BAIAP2L1: variants seen among roughly 807,000 people sequenced by gnomAD.
BAIAP2L1 encodes the protein BAR/IMD domain-containing adapter protein 2-like 1.
A neutral mutation model predicts 66.3 loss-of-function variants in BAIAP2L1; 35 were observed. That is an observed-to-expected ratio of 0.53 (90% CI 0.40 to 0.70). The LOEUF is 0.70. Ranked by LOEUF, BAIAP2L1 falls within the 30% of genes least tolerant of loss-of-function variation. The pLI is 0.00. For missense variants in BAIAP2L1, 622 were observed against 656.9 expected, an observed-to-expected ratio of 0.95 and a Z score of 0.58; for synonymous variants, 269 against 248.7, an observed-to-expected ratio of 1.08 and a Z score of -0.77.
chr7:98,332,385 A>T (rs1324329404), intron 3 of BAIAP2L1, among the ~76,000 whole-genome samples: 1 of 46,642 alleles, frequency 2.1e-5, no homozygotes, highest in South Asian at 4.5e-4. Flanking sequence ...TCCATCTCAA[A>T]AAAAAAAAAA....
At chr7:98,320,572 G>C (rs1562972319) in intron 3 of BAIAP2L1, among the ~76,000 whole-genome samples, 1 of 152,148 alleles carries the variant, frequency 6.6e-6, no homozygotes, top group East Asian at 1.9e-4. Flanking sequence ...CTAACCTCAG[G>C]TGATCAACTG....
chr7:98,301,071 C>A (rs781673428), intron 12 of BAIAP2L1, among the ~76,000 whole-genome samples: 5 of 152,134 alleles, frequency 3.3e-5, no homozygotes, highest in African/African-American at 1.2e-4. Flanking sequence ...CAGTAGAGGC[C>A]GGCTGGATGA....
At chr7:98,387,728 G>A (rs1213347514) in intron 1 of BAIAP2L1, among the ~76,000 whole-genome samples, 6 of 151,734 alleles carry the variant, frequency 4.0e-5, no homozygotes, top group African/African-American at 1.2e-4. Flanking sequence ...TTAGCTGGGC[G>A]TGGTGGTGCA....
chr7:98,350,118 A>G (rs1003957151), intron 3 of BAIAP2L1, among the ~76,000 whole-genome samples: 5 of 148,900 alleles, frequency 3.4e-5, no homozygotes, highest in African/African-American at 7.6e-5. Flanking sequence ...AAAGGGGGGA[A>G]AAAAAAAAAG....
At chr7:98,361,347 ACT>A (rs1389425987) in intron 2 of BAIAP2L1, among the ~76,000 whole-genome samples, 2 of 150,580 alleles carry the variant, frequency 1.3e-5, no homozygotes, top group African/African-American at 4.9e-5. Flanking sequence ...ACAGAGCAAG[ACT>A]CTGTCTGGGA....
At chr7:98,326,882 A>C (rs1347115056) in intron 3 of BAIAP2L1, among the ~76,000 whole-genome samples, 5 of 152,220 alleles carry the variant, frequency 3.3e-5, no homozygotes, top group African/African-American at 4.8e-5. Flanking sequence ...CAAAAAAAAA[A>C]ATTAACTACA....
In BAIAP2L1 at chr7:98,292,693, C is replaced by T; in HGVS notation, c.*828G>A. 1 of 1,551,638 alleles carries T rather than the reference C, an allele frequency of 6.4e-7. No individual in the cohort carries two copies. Among genetic ancestry groups the T allele is most frequent in the Non-Finnish European group, 8.7e-7 (1 of 1,146,978 alleles). On this transcript the variant is annotated 3_prime_UTR_variant, in exon 14 of 14. Coordinates refer to ENST00000005260, the MANE Select transcript of BAIAP2L1 (RefSeq NM_018842.5). ...ATCCTTTGAGAGTCTGTACCTGATT[C>T]AAACACGGAGAAACCAGGACCCCGA...
intron 1 of BAIAP2L1, among the ~76,000 whole-genome samples, chr7:98,382,561 A>C (rs1159850497): frequency 2.0e-5 from 3 of 152,198 alleles, no homozygotes; most frequent in African/African-American, 7.2e-5. Context: ...TTTGCCTATG[A>C]ATGGAATGGT....
chr7:98,303,669 AG>A (rs897968874), intron 12 of BAIAP2L1, among the ~76,000 whole-genome samples: 1 of 152,204 alleles, frequency 6.6e-6, no homozygotes, highest in Non-Finnish European at 1.5e-5. Context: ...CCGGGAGCCC[AG>A]GACCTCCATG....
intron 3 of BAIAP2L1, among the ~76,000 whole-genome samples, chr7:98,354,390 A>G (rs2115690298): frequency 6.6e-6 from 1 of 152,306 alleles, no homozygotes; most frequent in South Asian, 2.1e-4. Flanking sequence ...CCTCCGGTTA[A>G]GCCAGAAATT....
At chr7:98,394,644 G>A (rs1803157634) in intron 1 of BAIAP2L1, among the ~76,000 whole-genome samples, 1 of 152,162 alleles carries the variant, frequency 6.6e-6, no homozygotes, top group African/African-American at 2.4e-5. Context: ...AATGGCAACT[G>A]GTGCGTCACT....
intron 9 of BAIAP2L1, 40 bp from the exon 10 acceptor site, chr7:98,307,936 T>C (rs1436524824): frequency 1.3e-6 from 2 of 1,590,480 alleles, no homozygotes; most frequent in South Asian, 1.1e-5. Flanking sequence ...TTTCAAAGCA[T>C]GAGAATCAAT....
At chr7:98,388,014 G>C (rs1053028910) in intron 1 of BAIAP2L1, among the ~76,000 whole-genome samples, 2 of 151,694 alleles carry the variant, frequency 1.3e-5, no homozygotes, top group African/African-American at 4.8e-5. Context: ...ACCTATTTCA[G>C]TCATTTGTAA....
intron 3 of BAIAP2L1, among the ~76,000 whole-genome samples, chr7:98,350,332 T>C (rs530712033): frequency 9.7e-4 from 146 of 151,210 alleles, no homozygotes; most frequent in Non-Finnish European, 1.8e-3. Context: ...AGTCCATGGT[T>C]ACAAGATATC....
chr7:98,377,044 A>T (rs1450415273), intron 1 of BAIAP2L1, among the ~76,000 whole-genome samples: 1 of 152,180 alleles, frequency 6.6e-6, no homozygotes, highest in Admixed American at 6.5e-5. Flanking sequence ...AAGGAAGAAG[A>T]TATTCTGCTT....
At chr7:98,361,272 G>A (rs562813966) in intron 2 of BAIAP2L1, among the ~76,000 whole-genome samples, 3 of 151,940 alleles carry the variant, frequency 2.0e-5, no homozygotes, top group Non-Finnish European at 2.9e-5. Flanking sequence ...CAGAAGAATC[G>A]CTTGAGCCTG....
intron 5 of BAIAP2L1, 145 bp from the exon 6 acceptor site, chr7:98,317,501 C>A: frequency 1.1e-6 from 1 of 914,130 alleles, no homozygotes; most frequent in East Asian, 2.5e-5. Flanking sequence ...GCTGGGGCCC[C>A]CACACCCACA....
intron 3 of BAIAP2L1, among the ~76,000 whole-genome samples, chr7:98,350,429 G>A (rs981090341): frequency 1.5e-4 from 23 of 151,978 alleles, no homozygotes; most frequent in East Asian, 3.9e-4. Context: ...AGGCTGAGGC[G>A]GGCAGATCAC....
chr7:98,382,764 G>A (rs1562791995), intron 1 of BAIAP2L1, among the ~76,000 whole-genome samples: 1 of 152,118 alleles, frequency 6.6e-6, no homozygotes, highest in East Asian at 1.9e-4. Context: ...CATCAGATGA[G>A]GGATTGTGGA....
Sources: gnomAD v4.1 joint callset for allele counts (sites outside exome capture counted in the v4.1 genomes callset) on GRCh38, gnomAD v4.1.1 for gene constraint, MANE v1.5 for transcripts, NCBI Gene and HGNC (gene_info 2026-07-23, HGNC 2026-07-21) for gene names.